AMHR2: variants seen among roughly 807,000 people sequenced by gnomAD.
AMHR2 encodes anti-Muellerian hormone type-2 receptor.
In AMHR2, 36 loss-of-function variants were observed where a neutral mutation model predicts 61.4. That is an observed-to-expected ratio of 0.59 (90% confidence interval 0.45 to 0.77). The LOEUF (loss-of-function observed/expected upper bound fraction) is 0.77, where lower values mean the gene tolerates loss of function less well. Ranked by LOEUF, AMHR2 falls within the 30% of genes least tolerant of loss-of-function variation. The probability of loss-of-function intolerance (pLI) is 0.00; values close to 1 mark genes in which losing one functional copy is unlikely to be tolerated. For synonymous variants in AMHR2, 258 were observed against 279.4 expected, an observed-to-expected ratio of 0.92 and a Z score of 0.76; for missense variants, 638 against 714.6, an observed-to-expected ratio of 0.89 and a Z score of 1.22.
rs1565829821 is a variant in AMHR2, at chr12:53,424,365, C to CT, written c.128dup (p.Asp44ArgfsTer40). Reference sequence around the variant, plus strand: ...AAGCACAAAGACACTGGGAGAGCTGCTAGATACAGGCACAGAGCTCCCCAG... The same window carrying CT: ...AAGCACAAAGACACTGGGAGAGCTGCTTAGATACAGGCACAGAGCTCCCCAG... On this transcript the variant is annotated frameshift_variant, in exon 2 of 11. Transcript: ENST00000257863. LOFTEE classifies it high-confidence loss of function. 2.5e-6 allele frequency: 4 copies of CT among 1,613,588 alleles called. No individual in the cohort carries two copies. In the Admixed American group the frequency reaches 6.7e-5, roughly 27 times the overall value.
chr12:53,429,544 C>T lies in AMHR2; in HGVS notation c.1059C>T (p.Gly353=). The T allele has an allele frequency of 6.2e-7, 1 of 1,613,912 alleles. No individual in the cohort carries two copies. Among genetic ancestry groups the T allele is most frequent in the Non-Finnish European group, 8.5e-7 (1 of 1,180,000 alleles). ...EDGSCAIGDL[G]LALVLPGLTQ... ...GATCGTGTGCCATTGGAGACCTGGG[C>T]CTTGCCTTGGTGCTCCCTGGCCTCA... is the stretch of plus-strand genomic sequence containing the variant. Residue 353 remains glycine (G), a synonymous_variant, in exon 8 of 11, where the codon GGC becomes GGT. Transcript: ENST00000257863.
At position 53,428,927 on chromosome 12, in the gene AMHR2, C is replaced by T. The variant is rs561025641; in HGVS notation, c.884C>T (p.Thr295Ile). 1.9e-6 allele frequency: 3 copies of T among 1,551,694 alleles called. No homozygotes were observed. The highest frequency in any genetic ancestry group is 2.4e-5 in the South Asian group (2 of 84,062). The change falls in exon 7 of 11, where the codon ACC becomes ATC. Residue 295 changes from threonine to isoleucine, a missense_variant. By Grantham distance (89) the Thr-to-Ile change is moderately conservative. Coordinates refer to ENST00000257863, the MANE Select transcript of AMHR2 (RefSeq NM_020547.3). ...GSLCHYLTQY[T>I]SDWGSSLRMA... ...CTGTGCCACTACTTGACCCAGTACA[C>T]CAGTGACTGGGGAAGTTCCCTGCGG...
Position 53,425,870 on chromosome 12 carries a change from C to A in AMHR2, c.803C>A (p.Pro268His). ...TTTATCACTGCCAGCCGGGGGGGTC[C>A]TGGCCGCCTGCTCTCTGGGCCCCTG... Reference protein sequence around the residue: ...VRFITASRGGPGRLLSGPLLV... With the variant: ...VRFITASRGGHGRLLSGPLLV... Residue 268 changes from proline to histidine, a missense_variant, in exon 6 of 11, where the codon CCT becomes CAT. Pro to His is a moderately conservative substitution (Grantham distance 77). Coordinates refer to ENST00000257863, the MANE Select transcript of AMHR2 (RefSeq NM_020547.3). The A allele has an allele frequency of 6.2e-7, 1 of 1,614,100 alleles. No individual in the cohort carries two copies. The highest frequency in any genetic ancestry group is 8.5e-7 in the Non-Finnish European group (1 of 1,180,010).
chr12:53,425,254 C>T lies in AMHR2; in HGVS notation c.502+12C>T. The T allele has an allele frequency of 6.2e-7, 1 of 1,613,038 alleles. No individual in the cohort carries two copies. On this transcript the variant is annotated intron_variant, in intron 4 of 10. Transcript: ENST00000257863. ...CAGCATCATCTTGGGTACTAATCCA[C>T]CCCATCCCTCCCTTGTGACCCCAAG...
chr12:53,425,684 AG>A lies in AMHR2; in HGVS notation c.622-4del. On this transcript the variant is annotated splice_region_variant and splice_polypyrimidine_tract_variant and intron_variant, in intron 5 of 10. Coordinates refer to ENST00000257863, the MANE Select transcript of AMHR2 (RefSeq NM_020547.3). ...GGCCCACACTCAGCACAGTGTCCCC[AG>A]CAGGTAATCCGGGAAGGAGGTCATG... 6.2e-7 allele frequency: 1 copy of A among 1,614,072 alleles called. No homozygotes were observed.
Position 53,424,442 on chromosome 12 carries a change from C to T in AMHR2, c.204C>T (p.Thr68=). ...GCTGCTTTGGGATCTGGAACCTGAC[C>T]CAAGACCGGGCACAGGTGGAAATGC... The part of the protein sequence containing the change: ...SRCCFGIWNL[T]QDRAQVEMQG... Residue 68 remains threonine (T), a synonymous_variant, in exon 2 of 11, where the codon ACC becomes ACT. Transcript: ENST00000257863. The T allele has an allele frequency of 6.2e-7, 1 of 1,613,436 alleles. No homozygotes were observed. The highest frequency in any genetic ancestry group is 8.5e-7 in the Non-Finnish European group (1 of 1,179,798).
Position 53,424,273 on chromosome 12 carries a change from C to A in AMHR2, c.50-15C>A, listed in dbSNP as rs903791874. 3 of 1,612,140 alleles carry A rather than the reference C, an allele frequency of 1.9e-6. No individual in the cohort carries two copies. Among genetic ancestry groups the A allele is most frequent in the Admixed American group, 1.7e-5 (1 of 60,006 alleles). On this transcript the variant is annotated splice_polypyrimidine_tract_variant and intron_variant, in intron 1 of 10. Coordinates refer to ENST00000257863, the MANE Select transcript of AMHR2 (RefSeq NM_020547.3). Reference sequence around the variant, plus strand: ...CCCACCTTGAATCTTTTCCTTTCCCCACCCTGGGCCTCAGCACCCCCAAAC... The same window carrying A: ...CCCACCTTGAATCTTTTCCTTTCCCAACCCTGGGCCTCAGCACCCCCAAAC...
rs774469008 is a variant in AMHR2, at chr12:53,423,885, C to T, written c.-50C>T. The T allele has an allele frequency of 1.2e-5, 19 of 1,607,028 alleles. No homozygotes were observed. The East Asian group carries it at 4.2e-4, about 36-fold the overall frequency. ...TGAAGAAAGATTTGGCCAGGGGCAG[C>T]TGTGCTGGCTTATGCTCTTCTCCTT... On this transcript the variant is annotated 5_prime_UTR_variant, in exon 1 of 11. Coordinates refer to ENST00000257863, the MANE Select transcript of AMHR2 (RefSeq NM_020547.3).
chr12:53,429,053 A>G, intron 7 of AMHR2, 43 bp downstream of exon 7: 1 of 1,473,768 alleles, frequency 6.8e-7, no homozygotes, highest in African/African-American at 1.4e-5. Context: ...CCACAGTGCT[A>G]TGTTTGTGAT....
chr12:53,424,041 G>C, intron 1 of AMHR2, 58 bp downstream of exon 1: 4 of 1,594,442 alleles, frequency 2.5e-6, no homozygotes, highest in Non-Finnish European at 3.4e-6. Flanking sequence ...GGAAAGGGGC[G>C]CTTGAAGCAA....
At chr12:53,429,801 A>T in intron 8 of AMHR2, 30 bp from the exon 9 acceptor site, 1 of 1,614,024 alleles carries the variant, frequency 6.2e-7, no homozygotes. Flanking sequence ...CACAGAGATG[A>T]TTCTTGGCCC....
chr12:53,424,714 C>T lies in AMHR2; in HGVS notation c.238C>T (p.Arg80Ter), dbSNP rs376565347. Reference sequence around the variant, plus strand: ...CCCTAATCCCATCCCATCAGGATGCCGAGACAGTGATGAGCCAGGCTGTGA... The same window carrying T: ...CCCTAATCCCATCCCATCAGGATGCTGAGACAGTGATGAGCCAGGCTGTGA... ...DRAQVEMQGC[R>*]DSDEPGCESL... is the part of the protein sequence containing the mutation. Residue 80 changes from arginine to a stop codon, truncating the protein, a stop_gained, in exon 3 of 11, where the codon CGA (arginine) becomes TGA (stop). Transcript: ENST00000257863. LOFTEE classifies it high-confidence loss of function. 12 of 1,613,510 alleles carry T rather than the reference C, an allele frequency of 7.4e-6. No homozygotes were observed. Among genetic ancestry groups the T allele is most frequent in the African/African-American group, 2.7e-5 (2 of 74,872 alleles).
chr12:53,426,959 A>T (rs923514609), intron 6 of AMHR2, among the ~76,000 whole-genome samples: 2 of 143,738 alleles, frequency 1.4e-5, no homozygotes, highest in African/African-American at 2.6e-5. Flanking sequence ...CTGGGATTAC[A>T]GGTGTGAGAC....
chr12:53,430,993 C>A, intron 10 of AMHR2, 184 bp from the exon 11 acceptor site: 1 of 730,544 alleles, frequency 1.4e-6, no homozygotes, highest in Non-Finnish European at 2.3e-6. Flanking sequence ...CCCCAGAGAG[C>A]CTGTTTCATA....
In AMHR2 at chr12:53,431,521, G is replaced by A. The variant is rs370041032; in HGVS notation, c.*48G>A. On this transcript the variant is annotated 3_prime_UTR_variant, in exon 11 of 11. Coordinates refer to ENST00000257863, the MANE Select transcript of AMHR2 (RefSeq NM_020547.3). ...ATGTACATGCCAACATAAATATGGC[G>A]ATTGTATAGCTGTCTTGTCTGCCTC... 1.2e-5 allele frequency: 20 copies of A among 1,608,384 alleles called. No homozygotes were observed. Among genetic ancestry groups the A allele is most frequent in the African/African-American group, 5.3e-5 (4 of 74,796 alleles).
At chr12:53,430,798 A>G (rs17099205) in intron 10 of AMHR2, 61,002 of 369,052 alleles carry the variant, frequency 0.17, 5,347 homozygotes, top group Admixed American at 0.2. Flanking sequence ...TTTTTTAACA[A>G]AATGTCCCTT....
intron 10 of AMHR2, 70 bp downstream of exon 10, chr12:53,430,352 C>T: frequency 1.2e-6 from 2 of 1,610,514 alleles, no homozygotes; most frequent in Non-Finnish European, 1.7e-6. Flanking sequence ...AAGGACGTCT[C>T]TGCCAGAGTG....
rs764976098 is a variant in AMHR2, at chr12:53,431,282, C to T, written c.1531C>T (p.Pro511Ser). The T allele has an allele frequency of 1.2e-5, 20 of 1,614,114 alleles. No individual in the cohort carries two copies. The highest frequency in any genetic ancestry group is 1.5e-5 in the Non-Finnish European group (18 of 1,180,050). Residue 511 changes from proline (P) to serine (S), a missense_variant, in exon 11 of 11, where the codon CCT becomes TCT. By Grantham distance (74) the Pro-to-Ser change is moderately conservative. Coordinates refer to ENST00000257863, the MANE Select transcript of AMHR2 (RefSeq NM_020547.3). ...VQQRLAALAH[P>S]QESHPFPESC... ...GCAGCGCCTGGCTGCCTTGGCCCAT[C>T]CTCAAGAGAGCCACCCCTTTCCAGA...
In AMHR2 at chr12:53,425,533, G is replaced by T; in HGVS notation, c.581G>T (p.Ser194Ile). The change falls in exon 5 of 11, where the codon AGT becomes ATT. Residue 194 changes from serine (S) to isoleucine (I), a missense_variant. Ser to Ile is a moderately radical substitution (Grantham distance 142, BLOSUM62 -2). Transcript: ENST00000257863. ...AGGCCAGACTCAGGCAGGGACTGGA[G>T]TGTGGAGCTGCAGGAGCTGCCTGAG... ...EPRPDSGRDWSVELQELPELC... is the reference protein window; with the variant it reads ...EPRPDSGRDWIVELQELPELC... 1 of 1,614,114 alleles carries T rather than the reference G, an allele frequency of 6.2e-7. No individual in the cohort carries two copies. The highest frequency in any genetic ancestry group is 8.5e-7 in the Non-Finnish European group (1 of 1,180,042).
Sources: allele counts gnomAD v4.1 joint callset (sites outside exome capture counted in the v4.1 genomes callset), GRCh38; gene constraint gnomAD v4.1.1; transcripts MANE v1.5; gene names NCBI Gene and HGNC (gene_info 2026-07-23, HGNC 2026-07-21).